Variants in ITGA11 observed in about 807,000 individuals in gnomAD.
The protein encoded by ITGA11 is integrin subunit alpha 11.
In ITGA11, 97 loss-of-function variants were observed where a neutral mutation model predicts 141.9. The observed-to-expected ratio is 0.68, with a 90% CI of 0.58 to 0.81. The LOEUF is 0.81. Ranked by LOEUF, ITGA11 falls within the 30% of genes least tolerant of loss-of-function variation. The pLI is 0.00. For synonymous variants in ITGA11, 658 were observed against 624.6 expected (o/e 1.05, Z -0.80); for missense variants, 1,387 against 1,559.2 (o/e 0.89, Z 1.86).
At chr15:68,316,583 G>A (rs1217270570) in intron 21 of ITGA11, among the ~76,000 whole-genome samples, 2 of 152,170 alleles carry the variant, frequency 1.3e-5, no homozygotes, top group Non-Finnish European at 2.9e-5. Context: ...CACCAGGGAG[G>A]TGCTTTGCTA....
In ITGA11 at chr15:68,307,746, G is replaced by A. The variant is rs908763655; in HGVS notation, c.3175-50C>T. The A allele has an allele frequency of 1.1e-5, 15 of 1,321,672 alleles. 1 individual carries two copies. In the African/African-American group the frequency reaches 2.2e-4, roughly 19 times the overall value. 81.9% of individuals were successfully genotyped at this position (1,321,672 alleles called of 1,614,324 possible). On this transcript the variant is annotated intron_variant, in intron 26 of 29. Coordinates refer to ENST00000315757, the MANE Select transcript of ITGA11 (RefSeq NM_001004439.2). This position sits in a 1 kb window ranked among gnomAD's most constrained non-coding sequence, Gnocchi z 6.1. Reference sequence around the variant, plus strand: ...GCTGAGCTGCTGGGCTAGGGGAGCAGGGGGCAGCAACACTGCTTGAACGAC... The same window carrying A: ...GCTGAGCTGCTGGGCTAGGGGAGCAAGGGGCAGCAACACTGCTTGAACGAC...
intron 21 of ITGA11, 47 bp from the exon 22 acceptor site, chr15:68,315,774 G>A (rs753908063): frequency 2.8e-5 from 41 of 1,475,510 alleles, no homozygotes; most frequent in South Asian, 3.8e-5. Context: ...GACCAGCCCC[G>A]CCCACTCCCC....
Position 68,326,777 on chromosome 15 carries a change from GGTGGCGTT to G in ITGA11, c.2080_2087del (p.Asn694HisfsTer3), listed in dbSNP as rs1384558936. The G allele has an allele frequency of 6.3e-7, 1 of 1,581,174 alleles. No individual in the cohort carries two copies. The highest frequency in any genetic ancestry group is 1.2e-5 in the South Asian group (1 of 86,132). On this transcript the variant is annotated frameshift_variant, in exon 17 of 30. Transcript: ENST00000315757. LOFTEE classifies it high-confidence loss of function. This position sits in a 1 kb window ranked among gnomAD's most constrained non-coding sequence, Gnocchi z 6.8. ...TCGGTGTATACCGCCTCTCATCCAT[GGTGGCGTT>G]GTATCTGATGCCTGCAGGAGGGGAG...
intron 15 of ITGA11, 87 bp downstream of exon 15, chr15:68,330,894 A>C: frequency 6.6e-7 from 1 of 1,526,208 alleles, no homozygotes; most frequent in East Asian, 2.3e-5. Flanking sequence ...GACAAGAGAC[A>C]AAGATCCTGA....
intron 1 of ITGA11, among the ~76,000 whole-genome samples, chr15:68,425,031 A>G (rs1897109445): frequency 6.6e-6 from 1 of 152,142 alleles, no homozygotes; most frequent in Non-Finnish European, 1.5e-5. Context: ...ATGTTTCTTG[A>G]GGCAGAGACC....
chr15:68,365,396 C>T (rs145005808), intron 3 of ITGA11: 1 of 944,516 alleles, frequency 1.1e-6, no homozygotes, highest in Non-Finnish European at 1.3e-6. Flanking sequence ...TGCTTAGGAG[C>T]TGGGTTATCA....
chr15:68,313,604 T>C (rs1893466623), intron 23 of ITGA11, among the ~76,000 whole-genome samples, 175 bp downstream of exon 23: 1 of 151,424 alleles, frequency 6.6e-6, no homozygotes, highest in Non-Finnish European at 1.5e-5. Context: ...CCTCCCCACA[T>C]TGGATGGGGG....
At position 68,299,659 on chromosome 15, in the gene ITGA11, C is replaced by T. The variant is rs896816937; in HGVS notation, c.*3400G>A. The T allele has an allele frequency of 2.0e-5, 3 of 152,132 alleles. No individual in the cohort carries two copies. The highest frequency in any genetic ancestry group is 7.2e-5 in the African/African-American group (3 of 41,400). 9.4% of individuals were successfully genotyped at this position (152,132 alleles called of 1,614,324 possible). A position where few individuals can be genotyped will look rare whatever the true frequency, so the allele number is the denominator to read the frequency against. Reference sequence around the variant, plus strand: ...GGAGCACGATTAAGCCAGCGGTCTCCATTAGAGGCTGCTTGGCATCCTGGG... The same window carrying T: ...GGAGCACGATTAAGCCAGCGGTCTCTATTAGAGGCTGCTTGGCATCCTGGG... On this transcript the variant is annotated 3_prime_UTR_variant, in exon 30 of 30. Transcript: ENST00000315757.
At chr15:68,310,278 T>A (rs1386857388) in intron 26 of ITGA11, among the ~76,000 whole-genome samples, 1 of 152,138 alleles carries the variant, frequency 6.6e-6, no homozygotes, top group East Asian at 1.9e-4. Context: ...TAGAATTTAT[T>A]AGGTGAAAGT....
chr15:68,352,119 A>AACAAACAC (rs1244881626), intron 7 of ITGA11, among the ~76,000 whole-genome samples: 10 of 147,724 alleles, frequency 6.8e-5, no homozygotes, highest in African/African-American at 2.5e-4. Context: ...CAAACAAACA[A>AACAAACAC]ACACCATTGA....
intron 4 of ITGA11, chr15:68,362,067 C>G (rs1895260547): frequency 1.1e-5 from 2 of 184,290 alleles, no homozygotes; most frequent in African/African-American, 4.8e-5. Flanking sequence ...GGTGTGAACA[C>G]TTCAAGGGTC....
At chr15:68,400,615 A>T in intron 2 of ITGA11, among the ~76,000 whole-genome samples, 1 of 94,572 alleles carries the variant, frequency 1.1e-5, no homozygotes, top group Non-Finnish European at 2.0e-5. Flanking sequence ...AATATATAAT[A>T]TATATTATAT....
At chr15:68,317,822 T>C (rs138300573) in intron 20 of ITGA11, among the ~76,000 whole-genome samples, 208 of 152,302 alleles carry the variant, frequency 1.4e-3, no homozygotes, top group African/African-American at 4.7e-3. Context: ...TGTTGGGCAT[T>C]ACCTGGGCAC....
At chr15:68,376,613 T>G (rs890978402) in intron 2 of ITGA11, among the ~76,000 whole-genome samples, 6 of 152,230 alleles carry the variant, frequency 3.9e-5, no homozygotes, top group African/African-American at 1.2e-4. Flanking sequence ...GGCTGCAGCT[T>G]GGGACCACTG....
intron 2 of ITGA11, among the ~76,000 whole-genome samples, chr15:68,390,063 C>G (rs1338242360): frequency 6.6e-6 from 1 of 152,230 alleles, no homozygotes; most frequent in Non-Finnish European, 1.5e-5. Flanking sequence ...AGAGAACACT[C>G]AGCCCAAGAG....
chr15:68,357,425 A>C (rs1336243565), intron 6 of ITGA11, 126 bp from the exon 7 acceptor site: 3 of 1,169,708 alleles, frequency 2.6e-6, no homozygotes, highest in Non-Finnish European at 3.5e-6. Flanking sequence ...AGGGCTGAGG[A>C]CCTTTCCAAG....
intron 4 of ITGA11, among the ~76,000 whole-genome samples, chr15:68,362,919 GTGGATGGATGATGGATGAA>G (rs1895294484): frequency 1.3e-5 from 2 of 149,028 alleles, no homozygotes; most frequent in African/African-American, 5.0e-5. Flanking sequence ...GGATGAATGG[GTGGATGGATGATGGATGAA>G]TGGATGATGG....
chr15:68,313,966 A>G, intron 22 of ITGA11, 98 bp from the exon 23 acceptor site: 1 of 914,964 alleles, frequency 1.1e-6, no homozygotes, highest in South Asian at 1.5e-5. Context: ...ACACTGGCTT[A>G]TCTGGGGCTG....
At chr15:68,332,840 A>G (rs764871196) in intron 12 of ITGA11, among the ~76,000 whole-genome samples, 26 of 151,336 alleles carry the variant, frequency 1.7e-4, no homozygotes, top group Non-Finnish European at 2.8e-4. Flanking sequence ...ACTACCACGA[A>G]CGTTTTAGTG....
Sources: gnomAD v4.1 joint callset for allele counts (sites outside exome capture counted in the v4.1 genomes callset) on GRCh38, gnomAD v4.1.1 for gene constraint, Gnocchi (gnomAD v3.1) non-coding constraint, MANE v1.5 for transcripts, NCBI Gene and HGNC (gene_info 2026-07-23, HGNC 2026-07-21) for gene names.